The following SLC8A1 variants were observed in gnomAD, a reference collection of about 807,000 sequenced individuals.
The protein encoded by SLC8A1 is solute carrier family 8 member A1.
SLC8A1 carries 18 observed loss-of-function variants against 68.3 expected under a neutral mutation model. The ratio of observed to expected loss-of-function variants is 0.26; its 90% CI spans 0.18 to 0.39. The LOEUF is 0.39. SLC8A1 is among the 10% of genes least tolerant of loss of function. The pLI is 1.00. For synonymous variants in SLC8A1, 475 were observed against 415.5 expected (o/e 1.14, Z -1.74); for missense variants, 985 against 1,156.7 (o/e 0.85, Z 2.15).
chr2:40,415,881 C>G (rs2149719584), intron 2 of SLC8A1, among the ~76,000 whole-genome samples: 1 of 147,440 alleles, frequency 6.8e-6, no homozygotes, highest in Non-Finnish European at 1.5e-5. Context: ...CACACACACA[C>G]ACACACACAC....
chr2:40,401,240 G>C lies in SLC8A1; in HGVS notation c.1808+27233C>G, dbSNP rs528577478. Reference sequence around the variant, plus strand: ...ATCTTCCAAACACCATCTACTTTCAGAACCCTACACTTCGGAGAAACTGTA... The same window carrying C: ...ATCTTCCAAACACCATCTACTTTCACAACCCTACACTTCGGAGAAACTGTA... On this transcript the variant is annotated intron_variant, in intron 2 of 7. Transcript: ENST00000406785. Among the ~76,000 whole-genome samples, 234 of 152,258 alleles carry C rather than the reference G, an allele frequency of 1.5e-3. 1 individual carries two copies. The highest frequency in any genetic ancestry group is 5.3e-3 in the African/African-American group (219 of 41,534).
chr2:40,215,802 CTAT>C (rs1558792079), intron 2 of SLC8A1, among the ~76,000 whole-genome samples: 1 of 151,916 alleles, frequency 6.6e-6, no homozygotes, highest in African/African-American at 2.4e-5. Flanking sequence ...ATGTTAGCTA[CTAT>C]TATTATTATT....
chr2:40,262,840 A>T (rs1156658064), intron 2 of SLC8A1, among the ~76,000 whole-genome samples: 7 of 152,188 alleles, frequency 4.6e-5, no homozygotes, highest in African/African-American at 1.7e-4. Context: ...AATTTGGATC[A>T]TATTTAGCTC....
exon 8 of SLC8A1, chr2:40,112,568 G>C (rs1572686861): frequency 6.6e-6 from 1 of 151,884 alleles, no homozygotes. Flanking sequence ...TAAAAAATGA[G>C]TGCAAAAATT....
chr2:40,505,673 C>A (rs1275619356), intron 1 of SLC8A1, among the ~76,000 whole-genome samples: 1 of 151,910 alleles, frequency 6.6e-6, no homozygotes, highest in Admixed American at 6.6e-5. Flanking sequence ...GCAATTGTCA[C>A]TCCCCAACAA....
chr2:40,376,032 A>G (rs1045796211), intron 2 of SLC8A1, among the ~76,000 whole-genome samples: 2 of 152,132 alleles, frequency 1.3e-5, no homozygotes, highest in African/African-American at 2.4e-5. Flanking sequence ...AAAAAGTTGT[A>G]ATTTGTAGGT....
intron 2 of SLC8A1, among the ~76,000 whole-genome samples, chr2:40,253,133 ATATG>A (rs1486754556): frequency 1.0e-4 from 11 of 109,158 alleles, no homozygotes; most frequent in Non-Finnish European, 2.0e-4. Flanking sequence ...ATACACGTAT[ATATG>A]TATATGTATA....
At chr2:40,277,876 G>C (rs192227441) in intron 2 of SLC8A1, among the ~76,000 whole-genome samples, 1 of 143,006 alleles carries the variant, frequency 7.0e-6, no homozygotes, top group South Asian at 2.2e-4. Context: ...CTGTCCTAAG[G>C]ATATAAAAGC....
At chr2:40,238,164 C>G (rs1222602664) in intron 2 of SLC8A1, among the ~76,000 whole-genome samples, 1 of 152,208 alleles carries the variant, frequency 6.6e-6, no homozygotes, top group Non-Finnish European at 1.5e-5. Context: ...CTTTGTTTAC[C>G]TAATCAAGCC....
At chr2:40,125,312 AGAG>A (rs2037842482) in intron 7 of SLC8A1, among the ~76,000 whole-genome samples, 1 of 152,220 alleles carries the variant, frequency 6.6e-6, no homozygotes, top group Non-Finnish European at 1.5e-5. Context: ...GAATAGAAGA[AGAG>A]GAGATAGCCT....
chr2:40,221,926 T>C (rs1041466755), intron 2 of SLC8A1, among the ~76,000 whole-genome samples: 2 of 152,178 alleles, frequency 1.3e-5, no homozygotes, highest in African/African-American at 4.8e-5. Flanking sequence ...ATCAATATCA[T>C]TTAAATGGCC....
chr2:40,324,693 T>G (rs911088206), intron 2 of SLC8A1, among the ~76,000 whole-genome samples: 1 of 152,218 alleles, frequency 6.6e-6, no homozygotes, highest in South Asian at 2.1e-4. Context: ...CTTCCCTCCC[T>G]GTCTTTCTCT....
intron 2 of SLC8A1, among the ~76,000 whole-genome samples, chr2:40,186,803 T>C (rs368338135): frequency 6.6e-4 from 100 of 152,334 alleles, no homozygotes; most frequent in African/African-American, 1.6e-3. Flanking sequence ...ATGAAGATAA[T>C]AGAACTTACT....
At chr2:40,268,778 A>T (rs2065671055) in intron 2 of SLC8A1, among the ~76,000 whole-genome samples, 1 of 152,154 alleles carries the variant, frequency 6.6e-6, no homozygotes, top group Non-Finnish European at 1.5e-5. Context: ...GAACTAAGAG[A>T]GGTCAGAGAA....
chr2:40,217,228 C>T (rs1287260696), intron 2 of SLC8A1, among the ~76,000 whole-genome samples: 1 of 152,138 alleles, frequency 6.6e-6, no homozygotes, highest in Non-Finnish European at 1.5e-5. Flanking sequence ...TTTTCTACCA[C>T]CATTTATTGA....
intron 2 of SLC8A1, among the ~76,000 whole-genome samples, chr2:40,277,229 GT>G (rs201739617): frequency 8.0e-5 from 12 of 149,624 alleles, no homozygotes; most frequent in East Asian, 3.9e-4. Flanking sequence ...CTCTATGCCT[GT>G]TTTTTTTTTA....
At chr2:40,281,422 A>T (rs1471966551) in intron 2 of SLC8A1, among the ~76,000 whole-genome samples, 1 of 152,228 alleles carries the variant, frequency 6.6e-6, no homozygotes, top group African/African-American at 2.4e-5. Context: ...AAGGTGCTAT[A>T]AACAGAGAAA....
intron 2 of SLC8A1, among the ~76,000 whole-genome samples, chr2:40,239,116 GACT>G (rs2060855153): frequency 6.6e-6 from 1 of 151,902 alleles, no homozygotes; most frequent in African/African-American, 2.4e-5. Context: ...ACTAGAATCT[GACT>G]ACATCATACC....
At chr2:40,390,174 T>A (rs946125118) in intron 2 of SLC8A1, among the ~76,000 whole-genome samples, 1 of 152,124 alleles carries the variant, frequency 6.6e-6, no homozygotes, top group East Asian at 1.9e-4. Context: ...GTAGAAACTG[T>A]AATTGTTTTA....
Sources: gnomAD v4.1 joint callset for allele counts (sites outside exome capture counted in the v4.1 genomes callset) on GRCh38, gnomAD v4.1.1 for gene constraint, MANE v1.5 for transcripts, NCBI Gene and HGNC (gene_info 2026-07-23, HGNC 2026-07-21) for gene names.